ZNF143: variants seen among roughly 807,000 people sequenced by gnomAD.
ZNF143 encodes SPH-binding factor.
A neutral mutation model predicts 74.1 loss-of-function variants in ZNF143; 49 were observed. That is an observed-to-expected ratio of 0.66 (90% CI 0.53 to 0.84). The LOEUF (loss-of-function observed/expected upper bound fraction) is 0.84. Ranked by LOEUF, ZNF143 falls within the 40% of genes least tolerant of loss-of-function variation. The probability of loss-of-function intolerance (pLI) is 0.00; values close to 1 mark genes in which losing one functional copy is unlikely to be tolerated. For missense variants in ZNF143, 637 were observed against 793.4 expected, an observed-to-expected ratio of 0.80 and a Z score of 2.37; for synonymous variants, 304 against 282.8, an observed-to-expected ratio of 1.07 and a Z score of -0.75.
chr11:9,485,997 A>G (rs951598443), intron 7 of ZNF143, among the ~76,000 whole-genome samples: 1 of 151,272 alleles, frequency 6.6e-6, no homozygotes, highest in Admixed American at 6.6e-5. Flanking sequence ...CAGCATCCTG[A>G]AACCTGGTTG....
intron 12 of ZNF143, among the ~76,000 whole-genome samples, chr11:9,511,861 C>G (rs1485480466): frequency 6.6e-6 from 1 of 150,924 alleles, no homozygotes; most frequent in Non-Finnish European, 1.5e-5. Flanking sequence ...ATGCCATTCT[C>G]CTGCCTCAGC....
At chr11:9,486,396 A>AATATATATAATATATATTTT (rs1554964417) in intron 7 of ZNF143, among the ~76,000 whole-genome samples, 165 of 11,900 alleles carry the variant, frequency 0.014, 9 homozygotes, top group Admixed American at 0.028. Context: ...TAATATATAT[A>AATATATATAATATATATTTT]ATATATTATA....
In ZNF143 at chr11:9,527,767, A is replaced by G. The variant is rs1400626785; in HGVS notation, c.*154A>G. 3.1e-6 allele frequency: 2 copies of G among 639,430 alleles called. No individual in the cohort carries two copies. Among genetic ancestry groups the G allele is most frequent in the Non-Finnish European group, 5.4e-6 (2 of 369,300 alleles). The allele number at this position is 639,430 out of a possible 1,614,324, so 39.6% of individuals were successfully genotyped here. A position where few individuals can be genotyped will look rare whatever the true frequency, so the allele number is the denominator to read the frequency against. The stretch of plus-strand genomic sequence containing the variant: ...GAGTGGAGAACATTTTATTCTTGAC[A>G]CTTTTGTGTATATAACCCTTGGAAT... On this transcript the variant is annotated 3_prime_UTR_variant, in exon 16 of 16. Transcript: ENST00000396602.
chr11:9,471,065 A>G (rs1856538263), intron 1 of ZNF143: 1 of 238,070 alleles, frequency 4.2e-6, no homozygotes, highest in South Asian at 1.4e-4. Flanking sequence ...TCGTCAGTGT[A>G]CTTCTAAGTT....
At chr11:9,485,087 G>A (rs1847417169) in intron 7 of ZNF143, among the ~76,000 whole-genome samples, 1 of 150,472 alleles carries the variant, frequency 6.6e-6, no homozygotes, top group Admixed American at 6.6e-5. Context: ...GTGACCCACC[G>A]CGCCCGGCCG....
chr11:9,478,656 A>T, intron 6 of ZNF143, 70 bp downstream of exon 6: 1 of 1,533,838 alleles, frequency 6.5e-7, no homozygotes, highest in African/African-American at 1.4e-5. Flanking sequence ...AGAAAAGAAA[A>T]CAAAAAAGTA....
intron 7 of ZNF143, 148 bp downstream of exon 7, chr11:9,479,694 T>G (rs1354408414): frequency 1.7e-6 from 1 of 573,512 alleles, no homozygotes; most frequent in East Asian, 3.2e-5. Flanking sequence ...AGCAGCTTTC[T>G]CAAACTGCCT....
chr11:9,484,800 A>T (rs55697083), intron 7 of ZNF143, among the ~76,000 whole-genome samples: 11,541 of 66,870 alleles, frequency 0.17, 1,281 homozygotes, highest in Non-Finnish European at 0.2. Context: ...CTGGCCAAAG[A>T]TTTTTTTTTT....
intron 11 of ZNF143, among the ~76,000 whole-genome samples, chr11:9,505,456 G>T (rs981611970): frequency 1.4e-4 from 21 of 152,024 alleles, no homozygotes; most frequent in Non-Finnish European, 2.4e-4. Context: ...TTTTAGTAGA[G>T]ACAGGGTTTC....
chr11:9,471,276 C>G, intron 1 of ZNF143, 26 bp from the exon 2 acceptor site: 1 of 1,547,616 alleles, frequency 6.5e-7, no homozygotes, highest in Non-Finnish European at 8.8e-7. Flanking sequence ...ATTCTTTGTT[C>G]CCAAGTGTCT....
At chr11:9,479,379 T>C in intron 6 of ZNF143, 93 bp from the exon 7 acceptor site, 3 of 972,016 alleles carry the variant, frequency 3.1e-6, no homozygotes, top group East Asian at 5.9e-5. Flanking sequence ...CTTTTTCTTT[T>C]TTTTTGCAAG....
chr11:9,481,834 G>A (rs1273758161), intron 7 of ZNF143, among the ~76,000 whole-genome samples: 1 of 147,196 alleles, frequency 6.8e-6, no homozygotes, highest in African/African-American at 2.5e-5. Flanking sequence ...GTTGCAATGA[G>A]CCAAGATTGT....
chr11:9,476,403 T>A (rs1475596488), intron 5 of ZNF143, among the ~76,000 whole-genome samples: 1 of 152,132 alleles, frequency 6.6e-6, no homozygotes, highest in East Asian at 1.9e-4. Context: ...TGAGACAGTC[T>A]CGCTCTGTTG....
chr11:9,510,664 A>T (rs1848508400), intron 12 of ZNF143, among the ~76,000 whole-genome samples: 1 of 152,142 alleles, frequency 6.6e-6, no homozygotes, highest in African/African-American at 2.4e-5. Flanking sequence ...TAGCCATATG[A>T]GTGCATGGAT....
At chr11:9,520,323 A>AT (rs984661960) in intron 14 of ZNF143, among the ~76,000 whole-genome samples, 11,949 of 122,354 alleles carry the variant, frequency 0.098, 725 homozygotes, top group African/African-American at 0.12. Context: ...TGCCTGTCCA[A>AT]TTTTTTTTTT....
intron 11 of ZNF143, 44 bp downstream of exon 11, chr11:9,501,314 G>GT: frequency 1.3e-6 from 2 of 1,591,102 alleles, no homozygotes. Context: ...TCAAGGCTCA[G>GT]TTTAACTCCT....
chr11:9,471,312 T>A lies in ZNF143; in HGVS notation c.4T>A (p.Leu2Met), dbSNP rs1216537116. Residue 2 changes from leucine (L) to methionine (M), a missense_variant, in exon 2 of 16, where the codon TTG (leucine) becomes ATG (methionine). By Grantham distance (15) the Leu-to-Met change is conservative (BLOSUM62 2). This residue lies in a region of ZNF143 where 293 missense variants were observed against 307.8 expected (regional missense o/e 0.95). Coordinates refer to ENST00000396602, the MANE Select transcript of ZNF143 (RefSeq NM_003442.6). Reference protein sequence around the residue: MLLAQINRDSQG... With the variant: MMLAQINRDSQG... ...TTATTTTTCTTCAAGGTAGAAGATG[T>A]TGTTAGCCCAAATAAATCGAGATTC... The A allele has an allele frequency of 6.2e-7, 1 of 1,605,158 alleles. No individual in the cohort carries two copies. The highest frequency in any genetic ancestry group is 2.2e-5 in the East Asian group (1 of 44,694).
rs575781542 is a variant in ZNF143, at chr11:9,485,071, A to G, written c.645+5525A>G. Among the ~76,000 whole-genome samples, 6 of 150,768 alleles carry G rather than the reference A, an allele frequency of 4.0e-5. No homozygotes were observed. The East Asian group carries it at 9.7e-4, about 24-fold the overall frequency. On this transcript the variant is annotated intron_variant, in intron 7 of 15. Coordinates refer to ENST00000396602, the MANE Select transcript of ZNF143 (RefSeq NM_003442.6). ...CTCGGCCTTCCAAAGTGCTAGGATT[A>G]CAGGCGTGACCCACCGCGCCCGGCC...
intron 8 of ZNF143, among the ~76,000 whole-genome samples, chr11:9,495,312 G>A (rs1847922153): frequency 6.6e-6 from 1 of 152,124 alleles, no homozygotes; most frequent in Non-Finnish European, 1.5e-5. Flanking sequence ...GCAGTGGCAG[G>A]TGCCTGTAAT....
Sources: gnomAD v4.1 joint callset for allele counts (sites outside exome capture counted in the v4.1 genomes callset) on GRCh38, gnomAD v4.1.1 for gene constraint, gnomAD v4.1.1 regional missense constraint, MANE v1.5 for transcripts, NCBI Gene and HGNC (gene_info 2026-07-23, HGNC 2026-07-21) for gene names.